The following YIPF4 variants were observed in gnomAD, a reference collection of about 807,000 sequenced individuals.
YIPF4 encodes Yip1 domain family member 4, also known as protein YIPF4.
In YIPF4, 18 loss-of-function variants were observed where a neutral mutation model predicts 29.4. The observed-to-expected ratio is 0.61, with a 90% CI of 0.42 to 0.91. The LOEUF (loss-of-function observed/expected upper bound fraction) is 0.91, where lower values mean the gene tolerates loss of function less well. YIPF4 is among the 40% of genes least tolerant of loss of function. YIPF4 has a pLI of 0.00. For synonymous variants in YIPF4, 115 were observed against 104.7 expected, an observed-to-expected ratio of 1.10 and a Z score of -0.60; for missense variants, 279 against 282.7, an observed-to-expected ratio of 0.99 and a Z score of 0.09.
In YIPF4 at chr2:32,309,681, C is replaced by CTTTTTTTTTTTTTTTTTTTTTTTT. The variant is rs200229465; in HGVS notation, c.*4057_*4080dup. ...TTTTAGGCTTTAGGGAATTGTGACC[C>CTTTTTTTTTTTTTTTTTTTTTTTT]TTTTTTTTTTTTTTTTTTTTTTTTT... On this transcript the variant is annotated 3_prime_UTR_variant, in exon 6 of 6. Transcript: ENST00000238831. 8.6e-6 allele frequency: 1 copy of CTTTTTTTTTTTTTTTTTTTTTTTT among 116,268 alleles called. No homozygotes were observed. Among genetic ancestry groups the CTTTTTTTTTTTTTTTTTTTTTTTT allele is most frequent in the Non-Finnish European group, 1.7e-5 (1 of 58,380 alleles). 7.2% of individuals were successfully genotyped at this position (116,268 alleles called of 1,614,324 possible). A position where few individuals can be genotyped will look rare whatever the true frequency, so the allele number is the denominator to read the frequency against.
At chr2:32,281,109 C>T (rs745590501) in intron 1 of YIPF4, among the ~76,000 whole-genome samples, 1 of 152,030 alleles carries the variant, frequency 6.6e-6, no homozygotes, top group East Asian at 1.9e-4. Context: ...TCAAACTTCT[C>T]TGTATTTCCT....
Position 32,277,908 on chromosome 2 carries a change from C to G in YIPF4, c.-248C>G, listed in dbSNP as rs558768476. 19 of 499,494 alleles carry G rather than the reference C, an allele frequency of 3.8e-5. No homozygotes were observed. The East Asian group carries it at 6.2e-4, about 16-fold the overall frequency. The allele number at this position is 499,494 out of a possible 1,614,324, so 30.9% of individuals were successfully genotyped here. A position where few individuals can be genotyped will look rare whatever the true frequency, so the allele number is the denominator to read the frequency against. On this transcript the variant is annotated 5_prime_UTR_variant, in exon 1 of 6. Transcript: ENST00000238831. Reference sequence around the variant, plus strand: ...AGAGCCAATCCCAGCGCCGCTGTCACTGTTATGGTCCTGTCAGGGTGCCGG... The same window carrying G: ...AGAGCCAATCCCAGCGCCGCTGTCAGTGTTATGGTCCTGTCAGGGTGCCGG...
chr2:32,301,192 T>C (rs1234901413), intron 4 of YIPF4, among the ~76,000 whole-genome samples, 190 bp from the exon 5 acceptor site: 8 of 152,214 alleles, frequency 5.3e-5, no homozygotes, highest in Admixed American at 5.2e-4. Flanking sequence ...TGAAACCATG[T>C]TGGTTGGTGA....
chr2:32,282,668 G>C (rs544969548), intron 1 of YIPF4, among the ~76,000 whole-genome samples: 1 of 151,940 alleles, frequency 6.6e-6, no homozygotes, highest in African/African-American at 2.4e-5. Flanking sequence ...TCCTGACCTC[G>C]TGATCCACCC....
intron 3 of YIPF4, among the ~76,000 whole-genome samples, chr2:32,292,834 A>T (rs2030976016): frequency 6.8e-6 from 1 of 146,664 alleles, no homozygotes; most frequent in South Asian, 2.2e-4. Flanking sequence ...ACTGCACTCC[A>T]GCCTGGCGAC....
intron 4 of YIPF4, among the ~76,000 whole-genome samples, chr2:32,300,033 G>A (rs1000361005): frequency 1.3e-5 from 2 of 152,156 alleles, no homozygotes; most frequent in African/African-American, 2.4e-5. Context: ...TTGGGAGGCC[G>A]GGGCGGGTGG....
intron 1 of YIPF4, among the ~76,000 whole-genome samples, chr2:32,279,080 G>A (rs538927487): frequency 2.6e-5 from 4 of 151,036 alleles, no homozygotes; most frequent in Admixed American, 2.6e-4. Context: ...CCATTCTCCT[G>A]CCTCAGCCTC....
rs1349583807 is a variant in YIPF4, at chr2:32,314,654, G to A, written c.*9028G>A. ...CACCATTGCACTCCAGCCTGGGCAA[G>A]AAGAGCAAAACTTCGTCTCAAAAAA... is the stretch of plus-strand genomic sequence containing the variant. On this transcript the variant is annotated 3_prime_UTR_variant, in exon 6 of 6. Coordinates refer to ENST00000238831, the MANE Select transcript of YIPF4 (RefSeq NM_032312.4). 6.6e-6 allele frequency: 1 copy of A among 151,912 alleles called. No homozygotes were observed. The highest frequency in any genetic ancestry group is 6.6e-5 in the Admixed American group (1 of 15,216). 9.4% of individuals were successfully genotyped at this position (151,912 alleles called of 1,614,324 possible).
At chr2:32,282,174 C>T (rs903035796) in intron 1 of YIPF4, among the ~76,000 whole-genome samples, 1 of 152,052 alleles carries the variant, frequency 6.6e-6, no homozygotes, top group African/African-American at 2.4e-5. Flanking sequence ...CATGCACCTG[C>T]GATCCCAGCT....
At chr2:32,287,000 T>C (rs566503091) in intron 1 of YIPF4, among the ~76,000 whole-genome samples, 1 of 152,292 alleles carries the variant, frequency 6.6e-6, no homozygotes, top group South Asian at 2.1e-4. Context: ...ATCCCAGCAC[T>C]TTGGGAGGCC....
At position 32,306,863 on chromosome 2, in the gene YIPF4, C is replaced by T; in HGVS notation, c.*1237C>T. 4.1e-6 allele frequency: 1 copy of T among 244,852 alleles called. No individual in the cohort carries two copies. The highest frequency in any genetic ancestry group is 8.0e-6 in the Non-Finnish European group (1 of 125,072). The allele number at this position is 244,852 out of a possible 1,614,324, so 15.2% of individuals were successfully genotyped here. A position where few individuals can be genotyped will look rare whatever the true frequency, so the allele number is the denominator to read the frequency against. On this transcript the variant is annotated 3_prime_UTR_variant, in exon 6 of 6. Coordinates refer to ENST00000238831, the MANE Select transcript of YIPF4 (RefSeq NM_032312.4). Reference sequence around the variant, plus strand: ...ACCTGGAAGAGTTTCCTGCTGTCCTCAGTATGATAACATGGCGACCTCTTG... The same window carrying T: ...ACCTGGAAGAGTTTCCTGCTGTCCTTAGTATGATAACATGGCGACCTCTTG...
intron 1 of YIPF4, among the ~76,000 whole-genome samples, chr2:32,289,345 G>T (rs1402519082): frequency 6.6e-6 from 1 of 152,166 alleles, no homozygotes; most frequent in South Asian, 2.1e-4. Context: ...GTCATAAGCC[G>T]ACCAGGATGT....
rs2031687682 is a variant in YIPF4 at position 32,310,119 on chromosome 2, A to G, written c.*4493A>G. The G allele has an allele frequency of 6.6e-6, 1 of 152,208 alleles. No individual in the cohort carries two copies. The highest frequency in any genetic ancestry group is 2.4e-5 in the African/African-American group (1 of 41,456). 9.4% of individuals were successfully genotyped at this position (152,208 alleles called of 1,614,324 possible). On this transcript the variant is annotated 3_prime_UTR_variant, in exon 6 of 6. Coordinates refer to ENST00000238831, the MANE Select transcript of YIPF4 (RefSeq NM_032312.4). The stretch of plus-strand genomic sequence containing the variant: ...TCTCTGCACTGACATATGTACACAA[A>G]GTAATATTTTATTATTCTCCTTCAT...
intron 1 of YIPF4, among the ~76,000 whole-genome samples, chr2:32,285,234 GCTT>G (rs1408632624): frequency 3.3e-5 from 5 of 152,104 alleles, no homozygotes; most frequent in Non-Finnish European, 7.3e-5. Flanking sequence ...TCAAGGATAA[GCTT>G]CTAGCTTACA....
At chr2:32,301,293 A>C (rs2031395873) in intron 4 of YIPF4, 89 bp from the exon 5 acceptor site, 1 of 769,362 alleles carries the variant, frequency 1.3e-6, no homozygotes, top group Non-Finnish European at 2.2e-6. Context: ...ATTTATTTGA[A>C]TACAGCAAGG....
At chr2:32,297,286 G>A (rs1368912108) in intron 3 of YIPF4, among the ~76,000 whole-genome samples, 4 of 151,888 alleles carry the variant, frequency 2.6e-5, no homozygotes, top group African/African-American at 7.3e-5. Context: ...CACCATGCCC[G>A]GCTAATTTTG....
In YIPF4 at chr2:32,316,270, T is replaced by C. The variant is rs542501518; in HGVS notation, c.*10644T>C. ...GGACAATCATATCATGTATGTAATA[T>C]TAATATTTATAAATCAATAAAATGG... is the stretch of plus-strand genomic sequence containing the variant. On this transcript the variant is annotated 3_prime_UTR_variant, in exon 6 of 6. Transcript: ENST00000238831. 6.6e-6 allele frequency: 1 copy of C among 152,292 alleles called. No homozygotes were observed. Among genetic ancestry groups the C allele is most frequent in the South Asian group, 2.1e-4 (1 of 4,826 alleles). 9.4% of individuals were successfully genotyped at this position (152,292 alleles called of 1,614,324 possible). A position where few individuals can be genotyped will look rare whatever the true frequency, so the allele number is the denominator to read the frequency against.
intron 1 of YIPF4, among the ~76,000 whole-genome samples, chr2:32,284,706 T>C (rs1024310962): frequency 6.6e-6 from 1 of 152,192 alleles, no homozygotes; most frequent in Non-Finnish European, 1.5e-5. Context: ...AAGAATGGAC[T>C]AATACAGCAA....
At chr2:32,290,714 A>C (rs1162550311) in intron 2 of YIPF4, 78 bp downstream of exon 2, 1 of 1,061,206 alleles carries the variant, frequency 9.4e-7, no homozygotes, top group Non-Finnish European at 1.2e-6. Context: ...TGTTATTTAG[A>C]GAGAAAGCAT....
Sources: allele counts gnomAD v4.1 joint callset (sites outside exome capture counted in the v4.1 genomes callset), GRCh38; gene constraint gnomAD v4.1.1; transcripts MANE v1.5; gene names NCBI Gene and HGNC (gene_info 2026-07-23, HGNC 2026-07-21).